Variants in SLC4A1AP observed in about 807,000 individuals in gnomAD.
The protein encoded by SLC4A1AP is kanadaptin.
Under a neutral mutation model 89.7 loss-of-function variants are expected in SLC4A1AP, and 64 were observed. The ratio of observed to expected loss-of-function variants is 0.71; its 90% CI spans 0.58 to 0.88. The LOEUF (loss-of-function observed/expected upper bound fraction) is 0.88, where lower values mean the gene tolerates loss of function less well. SLC4A1AP is among the 40% of genes least tolerant of loss of function. SLC4A1AP has a pLI of 0.00. For missense variants in SLC4A1AP, 931 were observed against 965.0 expected (o/e 0.96, Z 0.47); for synonymous variants, 366 against 353.3 (o/e 1.04, Z -0.40).
intron 10 of SLC4A1AP, 74 bp from the exon 11 acceptor site, chr2:27,687,854 CTCTTGT>C: frequency 2.9e-6 from 3 of 1,042,396 alleles, no homozygotes; most frequent in Non-Finnish European, 4.4e-6. Flanking sequence ...GCTTCTCTTT[CTCTTGT>C]TTTTGTTTTT....
At chr2:27,687,128 GT>G (rs929520730) in intron 10 of SLC4A1AP, among the ~76,000 whole-genome samples, 19 of 150,206 alleles carry the variant, frequency 1.3e-4, no homozygotes, top group African/African-American at 2.2e-4. Context: ...TTATAACCTA[GT>G]TTTTTTTTTC....
chr2:27,670,118 C>G (rs376469704), intron 5 of SLC4A1AP, among the ~76,000 whole-genome samples: 1 of 152,156 alleles, frequency 6.6e-6, no homozygotes, highest in Non-Finnish European at 1.5e-5. Context: ...CTGCCTCGGC[C>G]TCCCAAAGTG....
At chr2:27,665,041 G>A (rs1675286526) in intron 1 of SLC4A1AP, 59 bp from the exon 2 acceptor site, 1 of 1,425,474 alleles carries the variant, frequency 7.0e-7, no homozygotes, top group African/African-American at 1.4e-5. Flanking sequence ...CAGCCTAGGC[G>A]ACAGAGCAAG....
chr2:27,669,531 G>T (rs1572989465), intron 5 of SLC4A1AP, 144 bp downstream of exon 5: 26 of 671,548 alleles, frequency 3.9e-5, no homozygotes. Flanking sequence ...ATACCCTAAG[G>T]TAGCCACTGT....
chr2:27,663,913 G>A (rs1251716633), exon 1 of SLC4A1AP: 1 of 1,614,154 alleles, frequency 6.2e-7, no homozygotes, highest in Admixed American at 1.7e-5. Context: ...CACCGGTTGA[G>A]GATGGCTGAC....
chr2:27,669,414 T>C, intron 5 of SLC4A1AP, 27 bp downstream of exon 5: 1 of 1,450,090 alleles, frequency 6.9e-7, no homozygotes, highest in Non-Finnish European at 9.1e-7. Flanking sequence ...CCTTTTTTTC[T>C]AGATTTAAAA....
At chr2:27,677,753 C>A in exon 8 of SLC4A1AP, 1 of 1,604,038 alleles carries the variant, frequency 6.2e-7, no homozygotes, top group South Asian at 1.1e-5. Flanking sequence ...TCAGAGTCTC[C>A]ATCTCAGGAT....
intron 2 of SLC4A1AP, among the ~76,000 whole-genome samples, chr2:27,666,598 T>C (rs537962309): frequency 6.6e-6 from 1 of 152,154 alleles, no homozygotes; most frequent in East Asian, 1.9e-4. Flanking sequence ...GGAAATTATA[T>C]TGGGAACGAA....
intron 8 of SLC4A1AP, among the ~76,000 whole-genome samples, chr2:27,680,343 T>C (rs976523111): frequency 1.3e-5 from 2 of 152,344 alleles, no homozygotes; most frequent in South Asian, 2.1e-4. Flanking sequence ...TATTCAGATA[T>C]ACTGAATTTG....
Position 27,668,841 on chromosome 2 carries a change from A to G in SLC4A1AP, c.1145-2A>G, listed in dbSNP as rs764643334. On this transcript the variant is annotated splice_acceptor_variant, in intron 3 of 13. Transcript: ENST00000613058. LOFTEE classifies it high-confidence loss of function. ...ATTGTTTTGTCTGTCTTTCTCCCAC[A>G]GGAGAAGAATTAGAATATGAATTTG... The G allele has an allele frequency of 5.0e-6, 8 of 1,612,478 alleles. No individual in the cohort carries two copies. Among genetic ancestry groups the G allele is most frequent in the Non-Finnish European group, 6.8e-6 (8 of 1,178,660 alleles).
At position 27,663,957 on chromosome 2, in the gene SLC4A1AP, G is replaced by GTC; in HGVS notation, c.205_206insTC (p.Asp69ValfsTer102). 1 of 1,614,226 alleles carries GTC rather than the reference G, an allele frequency of 6.2e-7. No homozygotes were observed. The highest frequency in any genetic ancestry group is 1.1e-5 in the South Asian group (1 of 91,082). ...TCAGTCAGAGACCCTGGCGTCGCAA[G>GTC]ACCTCAGTGGGGACTTCAAGAAGCC... On this transcript the variant is annotated frameshift_variant, in exon 1 of 14. Transcript: ENST00000613058. LOFTEE classifies it high-confidence loss of function.
chr2:27,675,662 T>G (rs752771523), exon 6 of SLC4A1AP: 2 of 1,598,588 alleles, frequency 1.3e-6, no homozygotes, highest in Admixed American at 3.4e-5. Flanking sequence ...CTGGCAAGAT[T>G]GATGAGAAGC....
intron 2 of SLC4A1AP, 68 bp downstream of exon 2, chr2:27,665,363 T>G (rs938061547): frequency 1.5e-6 from 2 of 1,357,210 alleles, no homozygotes; most frequent in Non-Finnish European, 2.0e-6. Flanking sequence ...CCTTAAATGT[T>G]TTTTTAAATC....
intron 8 of SLC4A1AP, among the ~76,000 whole-genome samples, chr2:27,679,088 A>G (rs868142201): frequency 1.3e-5 from 2 of 152,170 alleles, no homozygotes; most frequent in African/African-American, 4.8e-5. Context: ...TGAGGCTGAC[A>G]AAAAGGCACT....
chr2:27,694,506 TA>T, intron 13 of SLC4A1AP, 127 bp from the exon 14 acceptor site: 1 of 544,064 alleles, frequency 1.8e-6, no homozygotes, highest in Non-Finnish European at 3.0e-6. Context: ...ATACAAAAAG[TA>T]AAATTTCTAC....
Position 27,666,359 on chromosome 2 carries a change from A to ACCCCCCCCCC in SLC4A1AP, c.1022-906_1022-897dup, listed in dbSNP as rs1553363258. Among the ~76,000 whole-genome samples the ACCCCCCCCCC allele has an allele frequency of 8.9e-4, 3 of 3,360 alleles. 1 individual carries two copies. The highest frequency in any genetic ancestry group is 2.7e-3 in the Non-Finnish European group (3 of 1,108). 2.2% of individuals were successfully genotyped at this position (3,360 alleles called of 152,430 possible). On this transcript the variant is annotated intron_variant, in intron 2 of 13. Coordinates refer to ENST00000613058, the Ensembl canonical transcript of SLC4A1AP. ...CTCCTGACCTTGTGATCCACCCCCC[A>ACCCCCCCCCC]CCCCCCCCCCCCACCCCGCCCCCCG...
intron 12 of SLC4A1AP, chr2:27,691,497 TC>T (rs1224947930): frequency 6.6e-6 from 1 of 152,106 alleles, no homozygotes; most frequent in Admixed American, 6.5e-5. Context: ...ACCTTTTTTT[TC>T]ATTGATCTTT....
chr2:27,664,485 A>G (rs1434017661), exon 1 of SLC4A1AP: 2 of 1,613,984 alleles, frequency 1.2e-6, no homozygotes, highest in Non-Finnish European at 1.7e-6. Context: ...CACTTTTCTC[A>G]ACAAAACTCG....
chr2:27,673,565 G>A (rs1675466273), intron 5 of SLC4A1AP, among the ~76,000 whole-genome samples: 2 of 151,566 alleles, frequency 1.3e-5, no homozygotes, highest in African/African-American at 2.4e-5. Context: ...CGGGGCTCAA[G>A]CGATCCTCCC....
Sources: allele counts gnomAD v4.1 joint callset (sites outside exome capture counted in the v4.1 genomes callset), GRCh38; gene constraint gnomAD v4.1.1; transcripts MANE v1.5; gene names NCBI Gene and HGNC (gene_info 2026-07-23, HGNC 2026-07-21).